KNDC1: variants seen among roughly 807,000 people sequenced by gnomAD.
KNDC1 encodes the protein kinase non-catalytic C-lobe domain containing 1, also known as kinase non-catalytic C-lobe domain-containing protein 1.
KNDC1 carries 106 observed loss-of-function variants against 172.8 expected under a neutral mutation model. The observed-to-expected ratio is 0.61, with a 90% CI of 0.52 to 0.72. The LOEUF (loss-of-function observed/expected upper bound fraction) is 0.72. KNDC1 is among the 30% of genes least tolerant of loss of function. The pLI is 0.00. For missense variants in KNDC1, 2,325 were observed against 2,394.5 expected (o/e 0.97, Z 0.61); for synonymous variants, 1,083 against 1,062.2 (o/e 1.02, Z -0.38).
intron 1 of KNDC1, among the ~76,000 whole-genome samples, 165 bp downstream of exon 1, chr10:133,160,734 C>T (rs1313735308): frequency 6.6e-6 from 1 of 152,172 alleles, no homozygotes; most frequent in African/African-American, 2.4e-5. Context: ...AGGATTTTCA[C>T]CCGGAGGGGA....
At chr10:133,168,169 C>T in intron 2 of KNDC1, 85 bp from the exon 3 acceptor site, 1 of 1,253,916 alleles carries the variant, frequency 8.0e-7, no homozygotes, top group Non-Finnish European at 1.2e-6. Context: ...TGGGGCCGCT[C>T]CCTCTCCAGG....
At chr10:133,200,624 G>A (rs1175604665) in intron 16 of KNDC1, among the ~76,000 whole-genome samples, 164 bp downstream of exon 16, 2 of 152,160 alleles carry the variant, frequency 1.3e-5, no homozygotes, top group African/African-American at 2.4e-5. Flanking sequence ...CCTCTCCTGG[G>A]GGTGCCCAGC....
In KNDC1 at chr10:133,186,351, G is replaced by A. The variant is rs762038430; in HGVS notation, c.1003G>A (p.Glu335Lys). The change falls in exon 6 of 30, where the codon GAA (glutamate) becomes AAA (lysine). Residue 335 changes from glutamate (E) to lysine (K), a missense_variant. Physicochemically the swap from Glu to Lys is moderately conservative, Grantham distance 56 (BLOSUM62 1). Transcript: ENST00000304613. ...TRGKSQLPISELFSPDPRKAF... is the reference protein window; with the variant it reads ...TRGKSQLPISKLFSPDPRKAF... ...CGGGAAAAGCCAGCTGCCCATATCG[G>A]AATTATTCTCTCCGGACCCCAGGAA... The A allele has an allele frequency of 2.5e-5, 40 of 1,612,616 alleles. No homozygotes were observed. The highest frequency in any genetic ancestry group is 3.0e-5 in the Non-Finnish European group (35 of 1,179,970).
chr10:133,218,745 A>T, intron 26 of KNDC1, 86 bp from the exon 27 acceptor site: 1 of 1,500,780 alleles, frequency 6.7e-7, no homozygotes, highest in Non-Finnish European at 9.1e-7. Flanking sequence ...TGTGTCTTGG[A>T]GCTGGGTGAT....
In KNDC1 at chr10:133,224,818, C is replaced by T; in HGVS notation, c.5178C>T (p.His1726=). ...TLAADSRANF[H]QVSSEKHSRK... The stretch of plus-strand genomic sequence containing the variant: ...CCGCAGATAGCAGGGCCAACTTCCA[C>T]CAGGTCTCCAGCGAGAAGCACTCAC... The change falls in exon 30 of 30, where the codon CAC becomes CAT. Residue 1726 remains histidine, a synonymous_variant. Transcript: ENST00000304613. This position sits in a 1 kb window ranked among gnomAD's most constrained non-coding sequence, Gnocchi z 5.4. 6.2e-7 allele frequency: 1 copy of T among 1,614,124 alleles called. No homozygotes were observed. Among genetic ancestry groups the T allele is most frequent in the East Asian group, 2.2e-5 (1 of 44,876 alleles).
Position 133,189,689 on chromosome 10 carries a change from T to C in KNDC1, c.1513+20T>C. Reference sequence around the variant, plus strand: ...CCAACGGTGAGTGTGTGGGTTCCCCTCAGGCCGAGTCCAGCACCGGCTCGC... The same window carrying C: ...CCAACGGTGAGTGTGTGGGTTCCCCCCAGGCCGAGTCCAGCACCGGCTCGC... On this transcript the variant is annotated intron_variant, in intron 8 of 29. Transcript: ENST00000304613. The C allele has an allele frequency of 6.2e-7, 1 of 1,613,946 alleles. No homozygotes were observed. Among genetic ancestry groups the C allele is most frequent in the Non-Finnish European group, 8.5e-7 (1 of 1,179,896 alleles).
chr10:133,172,736 A>G (rs999287767), intron 3 of KNDC1, among the ~76,000 whole-genome samples: 1 of 152,196 alleles, frequency 6.6e-6, no homozygotes, highest in Non-Finnish European at 1.5e-5. Context: ...GCTCACCCCT[A>G]TAATCCCAGC....
chr10:133,199,681 C>G (rs1854307632), intron 15 of KNDC1, 79 bp downstream of exon 15: 1 of 1,492,910 alleles, frequency 6.7e-7, no homozygotes, highest in African/African-American at 1.4e-5. Flanking sequence ...TGACCCGGGC[C>G]CAGCCTTCCC....
chr10:133,167,818 G>A (rs563988258), intron 2 of KNDC1, among the ~76,000 whole-genome samples: 8 of 152,166 alleles, frequency 5.3e-5, no homozygotes, highest in African/African-American at 1.4e-4. Context: ...AGGGACACTC[G>A]GCCCGCCCTG....
intron 23 of KNDC1, among the ~76,000 whole-genome samples, chr10:133,212,325 ACATACCCCCTC>A (rs1845386216): frequency 6.6e-6 from 1 of 152,148 alleles, no homozygotes; most frequent in South Asian, 2.1e-4. Flanking sequence ...GTGCACACTC[ACATACCCCCTC>A]CATGTTCCCG....
intron 17 of KNDC1, 109 bp from the exon 18 acceptor site, chr10:133,206,576 C>A: frequency 1.1e-5 from 10 of 882,200 alleles, no homozygotes; most frequent in Middle Eastern, 3.4e-4. Flanking sequence ...CCCTGCCCTG[C>A]AGCTGATCTC....
chr10:133,195,018 C>T (rs1414703800), intron 9 of KNDC1, among the ~76,000 whole-genome samples: 2 of 152,218 alleles, frequency 1.3e-5, no homozygotes, highest in Non-Finnish European at 2.9e-5. Flanking sequence ...TGAATGAAAA[C>T]ATCAACCAAC....
At position 133,211,756 on chromosome 10, in the gene KNDC1, C is replaced by A. The variant is rs142460427; in HGVS notation, c.4134C>A (p.Asn1378Lys). The A allele has an allele frequency of 6.2e-7, 1 of 1,610,080 alleles. No individual in the cohort carries two copies. The highest frequency in any genetic ancestry group is 1.1e-5 in the South Asian group (1 of 91,000). Residue 1378 changes from asparagine (N) to lysine (K), a missense_variant, in exon 23 of 30, where the codon AAC (asparagine) becomes AAA (lysine). Transcript: ENST00000304613. ...GCATGGACCGGCGGGCCGAGGGCAA[C>A]CCTCGCGGCACAGACCTGGAGAACC... ...EVGMDRRAEG[N>K]PRGTDLENPR...
At chr10:133,219,549 C>T (rs111861801) in intron 28 of KNDC1, among the ~76,000 whole-genome samples, 2 of 152,252 alleles carry the variant, frequency 1.3e-5, no homozygotes, top group Admixed American at 6.5e-5. Context: ...CAAGCCCCAG[C>T]CACAGCTGTC....
intron 3 of KNDC1, among the ~76,000 whole-genome samples, chr10:133,175,378 G>A (rs1319105269): frequency 7.6e-6 from 1 of 131,814 alleles, no homozygotes; most frequent in African/African-American, 2.7e-5. Flanking sequence ...GGTTGTATGT[G>A]TGGAGGATGG....
rs1010926068 is a variant in KNDC1, at chr10:133,167,278, CG to C, written c.103-102del. ...CCTTTCCCTGACCCACGCGTTGAAA[CG>C]CTGCCACGAGTCGTCCGTTTCCCCA... On this transcript the variant is annotated intron_variant, in intron 1 of 29. Coordinates refer to ENST00000304613, the MANE Select transcript of KNDC1 (RefSeq NM_152643.8). 52 of 1,152,514 alleles carry C rather than the reference CG, an allele frequency of 4.5e-5. No individual in the cohort carries two copies. In the African/African-American group the frequency reaches 6.4e-4, roughly 14 times the overall value. 71.4% of individuals were successfully genotyped at this position (1,152,514 alleles called of 1,614,324 possible). A position where few individuals can be genotyped will look rare whatever the true frequency, so the allele number is the denominator to read the frequency against.
At position 133,181,834 on chromosome 10, in the gene KNDC1, C is replaced by CCACACACACACACACACACA. The variant is rs369062586; in HGVS notation, c.361-1502_361-1483dup. On this transcript the variant is annotated intron_variant, in intron 3 of 29. Coordinates refer to ENST00000304613, the MANE Select transcript of KNDC1 (RefSeq NM_152643.8). ...CCAGACCAGGAAGCCCCAGGACCGT[C>CCACACACACACACACACACA]CACACACACACACACACACACACAC... 6.6e-3 allele frequency among the ~76,000 whole-genome samples: 913 copies of CCACACACACACACACACACA among 138,846 alleles called. 11 individuals are homozygous for CCACACACACACACACACACA. The highest frequency in any genetic ancestry group is 0.022 in the African/African-American group (854 of 38,816). The allele number at this position is 138,846 out of a possible 152,430, so 91.1% of individuals were successfully genotyped here.
intron 16 of KNDC1, among the ~76,000 whole-genome samples, chr10:133,200,935 C>T (rs1432392201): frequency 6.6e-6 from 1 of 152,186 alleles, no homozygotes; most frequent in Admixed American, 6.5e-5. Flanking sequence ...AGCCAGCAGG[C>T]TTGGTGTTAG....
At chr10:133,188,844 C>T (rs1215694035) in intron 7 of KNDC1, among the ~76,000 whole-genome samples, 191 bp downstream of exon 7, 1 of 151,870 alleles carries the variant, frequency 6.6e-6, no homozygotes, top group Admixed American at 6.6e-5. Context: ...GCAGCCAGGA[C>T]AGTGTCTCCG....
Sources: gnomAD v4.1 joint callset for allele counts (sites outside exome capture counted in the v4.1 genomes callset) on GRCh38, gnomAD v4.1.1 for gene constraint, Gnocchi (gnomAD v3.1) non-coding constraint, MANE v1.5 for transcripts, NCBI Gene and HGNC (gene_info 2026-07-23, HGNC 2026-07-21) for gene names.